Variants in SAE1 observed in about 807,000 individuals in gnomAD.
The protein encoded by SAE1 is SUMO-activating enzyme subunit 1.
SAE1 carries 11 observed loss-of-function variants against 40.6 expected under a neutral mutation model. The observed-to-expected ratio is 0.27, with a 90% CI of 0.17 to 0.45. The LOEUF is 0.45. Among genes scored for constraint, SAE1 ranks in the 20% least tolerant of loss-of-function variants. The probability of loss-of-function intolerance (pLI) is 1.00; values close to 1 mark genes in which losing one functional copy is unlikely to be tolerated. For synonymous variants in SAE1, 155 were observed against 154.3 expected, an observed-to-expected ratio of 1.00 and a Z score of -0.03; for missense variants, 373 against 427.3, an observed-to-expected ratio of 0.87 and a Z score of 1.12.
intron 6 of SAE1, among the ~76,000 whole-genome samples, chr19:47,189,282 G>T (rs1217941793): frequency 1.3e-5 from 2 of 152,002 alleles, no homozygotes; most frequent in Non-Finnish European, 2.9e-5. Flanking sequence ...TGGGGGCTGG[G>T]CGCAGTGGCT....
intron 3 of SAE1, among the ~76,000 whole-genome samples, chr19:47,151,759 C>T (rs528681947): frequency 1.3e-5 from 2 of 152,292 alleles, no homozygotes; most frequent in African/African-American, 4.8e-5. Flanking sequence ...ATTTTCTTAT[C>T]TGTAGTAACC....
At chr19:47,149,600 C>T (rs774330131) in intron 2 of SAE1, among the ~76,000 whole-genome samples, 6 of 152,124 alleles carry the variant, frequency 3.9e-5, no homozygotes, top group South Asian at 2.1e-4. Flanking sequence ...GTTAATCAGT[C>T]ATTTGTTAGC....
chr19:47,174,678 TTCTCCTG>T (rs1352575315), intron 6 of SAE1, among the ~76,000 whole-genome samples: 1 of 149,460 alleles, frequency 6.7e-6, no homozygotes, highest in African/African-American at 2.5e-5. Context: ...GTTCACGCCA[TTCTCCTG>T]CCTCAGCCTC....
At chr19:47,205,629 A>C (rs2058682477) in intron 8 of SAE1, among the ~76,000 whole-genome samples, 1 of 152,064 alleles carries the variant, frequency 6.6e-6, no homozygotes, top group Non-Finnish European at 1.5e-5. Flanking sequence ...GAATGTTCTA[A>C]GTGGGGAATG....
chr19:47,130,878 G>C lies in SAE1; in HGVS notation c.-53G>C, dbSNP rs2058136382. 6.5e-7 allele frequency: 1 copy of C among 1,545,556 alleles called. No homozygotes were observed. The highest frequency in any genetic ancestry group is 1.4e-5 in the African/African-American group (1 of 72,798). ...GCGGCGGTAGGTGGCGCGCGGGTCCGGCGGGCGGTTGGCTTGAGCGGGACC... is the reference window on the plus strand; with the variant it reads ...GCGGCGGTAGGTGGCGCGCGGGTCCCGCGGGCGGTTGGCTTGAGCGGGACC... On this transcript the variant is annotated 5_prime_UTR_variant, in exon 1 of 9. Coordinates refer to ENST00000270225, the MANE Select transcript of SAE1 (RefSeq NM_005500.3).
At chr19:47,153,445 C>T (rs745511032) in intron 4 of SAE1, among the ~76,000 whole-genome samples, 11 of 152,096 alleles carry the variant, frequency 7.2e-5, no homozygotes, top group South Asian at 4.1e-4. Context: ...CAGGACTTGC[C>T]GTGTTTTGAC....
At chr19:47,173,627 A>G (rs1305745528) in intron 6 of SAE1, among the ~76,000 whole-genome samples, 1 of 151,924 alleles carries the variant, frequency 6.6e-6, no homozygotes, top group Non-Finnish European at 1.5e-5. Flanking sequence ...ATATTTAGTA[A>G]CACCCCTATC....
chr19:47,180,086 G>C, intron 6 of SAE1: 4 of 432,422 alleles, frequency 9.3e-6, no homozygotes, highest in South Asian at 6.5e-5. Flanking sequence ...CTTATACGTA[G>C]ATGTAGTAAT....
rs1485247303 is a variant in SAE1 at position 47,130,906 on chromosome 19, A to C, written c.-25A>C. The C allele has an allele frequency of 3.2e-6, 5 of 1,548,432 alleles. No homozygotes were observed. The Admixed American group carries it at 9.8e-5, about 30-fold the overall frequency. ...GGGCGGTTGGCTTGAGCGGGACCGG[A>C]GCTGAGGCAGGAAGAGCCGGCGCCA... On this transcript the variant is annotated 5_prime_UTR_variant, in exon 1 of 9. Transcript: ENST00000270225.
At chr19:47,173,287 G>C (rs1264723130) in intron 6 of SAE1, among the ~76,000 whole-genome samples, 1 of 152,040 alleles carries the variant, frequency 6.6e-6, no homozygotes, top group African/African-American at 2.4e-5. Flanking sequence ...GTGAGCCACC[G>C]CGCCCGGCCC....
At chr19:47,136,202 G>T (rs572674786) in intron 1 of SAE1, among the ~76,000 whole-genome samples, 3 of 150,352 alleles carry the variant, frequency 2.0e-5, no homozygotes, top group Non-Finnish European at 4.4e-5. Context: ...ACAGTGGCAC[G>T]ATCTCAGCCC....
chr19:47,164,109 T>C (rs2123238099), intron 5 of SAE1, among the ~76,000 whole-genome samples: 1 of 152,330 alleles, frequency 6.6e-6, no homozygotes, highest in African/African-American at 2.4e-5. Context: ...TGTCTTTTGC[T>C]TTTTTCACTC....
At chr19:47,158,428 G>A (rs758437870) in intron 5 of SAE1, among the ~76,000 whole-genome samples, 2 of 152,184 alleles carry the variant, frequency 1.3e-5, no homozygotes, top group Non-Finnish European at 2.9e-5. Context: ...GTCACAATCA[G>A]GTCTCGGGCA....
At chr19:47,134,013 C>G (rs1006647473) in intron 1 of SAE1, among the ~76,000 whole-genome samples, 5 of 151,986 alleles carry the variant, frequency 3.3e-5, no homozygotes, top group African/African-American at 1.2e-4. Flanking sequence ...CAGGCGCCCG[C>G]CACCATGCCC....
At chr19:47,149,163 CT>C (rs958403274) in intron 2 of SAE1, among the ~76,000 whole-genome samples, 973 of 86,504 alleles carry the variant, frequency 0.011, 13 homozygotes, top group Admixed American at 0.044. Context: ...CACTGGTCTA[CT>C]TTTTTTTTTT....
chr19:47,153,296 C>T lies in SAE1; in HGVS notation c.527+256C>T, dbSNP rs77568928. 4.3e-3 allele frequency among the ~76,000 whole-genome samples: 653 copies of T among 151,960 alleles called. 6 individuals carry two copies. Among genetic ancestry groups the T allele is most frequent in the African/African-American group, 0.015 (613 of 41,460 alleles). ...GTAAAATGATTACAAAATAGTTGGG[C>T]GATTCTGGAGGCATATTCAACCAAA... On this transcript the variant is annotated intron_variant, in intron 4 of 8. Transcript: ENST00000270225.
At chr19:47,186,667 C>A (rs575494505) in intron 6 of SAE1, among the ~76,000 whole-genome samples, 1 of 152,104 alleles carries the variant, frequency 6.6e-6, no homozygotes, top group African/African-American at 2.4e-5. Flanking sequence ...TTTCATCCGG[C>A]GCCTCGGAAC....
chr19:47,202,658 A>T (rs1338226217), intron 7 of SAE1, among the ~76,000 whole-genome samples: 1 of 151,280 alleles, frequency 6.6e-6, no homozygotes, highest in Non-Finnish European at 1.5e-5. Context: ...TCACACCTGT[A>T]ATCCCAGCGC....
Position 47,209,417 on chromosome 19 carries a change from T to A in SAE1, c.*166T>A. 1 of 1,220,668 alleles carries A rather than the reference T, an allele frequency of 8.2e-7. No individual in the cohort carries two copies. 75.6% of individuals were successfully genotyped at this position (1,220,668 alleles called of 1,614,324 possible). ...GGTGGTGCCGACGTGCTGCTTCCCATCACCAGCAGCTGCTCGACAAGGGGC... is the reference window on the plus strand; with the variant it reads ...GGTGGTGCCGACGTGCTGCTTCCCAACACCAGCAGCTGCTCGACAAGGGGC... On this transcript the variant is annotated 3_prime_UTR_variant, in exon 9 of 9. Transcript: ENST00000270225.
Sources: gnomAD v4.1 joint callset for allele counts (sites outside exome capture counted in the v4.1 genomes callset) on GRCh38, gnomAD v4.1.1 for gene constraint, MANE v1.5 for transcripts, NCBI Gene and HGNC (gene_info 2026-07-23, HGNC 2026-07-21) for gene names.